Variants in C3orf52 observed in about 807,000 individuals in gnomAD.
The protein encoded by C3orf52 is chromosome 3 open reading frame 52, also known as TPA-induced transmembrane protein.
In C3orf52, 22 loss-of-function variants were observed where a neutral mutation model predicts 24.8. That is an observed-to-expected ratio of 0.89 (90% CI 0.63 to 1.27). C3orf52 has a LOEUF of 1.27. Among genes scored for constraint, C3orf52 ranks in the 50% most tolerant of loss-of-function variants. The pLI, the probability that C3orf52 is intolerant of heterozygous loss-of-function variation, is 0.00. For synonymous variants in C3orf52, 93 were observed against 100.2 expected, an observed-to-expected ratio of 0.93 and a Z score of 0.43; for missense variants, 265 against 260.7, an observed-to-expected ratio of 1.02 and a Z score of -0.11.
intron 2 of C3orf52, among the ~76,000 whole-genome samples, chr3:112,101,683 A>C (rs1237660011): frequency 6.6e-6 from 1 of 152,196 alleles, no homozygotes; most frequent in African/African-American, 2.4e-5. Flanking sequence ...ATGTCATCAC[A>C]GAATAAGTAA....
intron 2 of C3orf52, among the ~76,000 whole-genome samples, chr3:112,094,790 T>G (rs2073911477): frequency 1.3e-5 from 2 of 152,146 alleles, no homozygotes; most frequent in African/African-American, 4.8e-5. Context: ...GAAAATTGTT[T>G]TTATTTATAT....
chr3:112,119,542 T>A (rs777310694), downstream of C3orf52: 1 of 702,834 alleles, frequency 1.4e-6, no homozygotes, highest in Non-Finnish European at 2.6e-6. Context: ...TTTACACATG[T>A]TCGTGTCTTC....
Position 112,127,697 on chromosome 3 carries a change from A to G in C3orf52, c.*47-536A>G, listed in dbSNP as rs1007988755. 3.3e-5 allele frequency among the ~76,000 whole-genome samples: 5 copies of G among 152,350 alleles called. No homozygotes were observed. The South Asian group carries it at 1.0e-3, about 32-fold the overall frequency. The stretch of plus-strand genomic sequence containing the variant: ...CACCCCGACTATAAGTTCTATGTGC[A>G]AGGGATAGAAATGTGTGCTTCGGAA... On this transcript the variant is annotated intron_variant, in intron 4 of 4. Transcript: ENST00000480282.
At chr3:112,088,466 T>C (rs1455557720) in intron 1 of C3orf52, among the ~76,000 whole-genome samples, 1 of 152,234 alleles carries the variant, frequency 6.6e-6, no homozygotes, top group African/African-American at 2.4e-5. Context: ...TTTTGATGCA[T>C]AAATGCATTT....
In C3orf52 at chr3:112,093,349, T is replaced by C. The variant is rs1164187500; in HGVS notation, c.139-11T>C. On this transcript the variant is annotated splice_polypyrimidine_tract_variant and intron_variant, in intron 1 of 5. Coordinates refer to ENST00000264848, the MANE Select transcript of C3orf52 (RefSeq NM_024616.3). ...CAATGACTGCCTCACAATCTCCCTC[T>C]GCCTTTCTAGGCTAACAAGGAAAGC... 1.2e-6 allele frequency: 2 copies of C among 1,613,584 alleles called. No homozygotes were observed. Among genetic ancestry groups the C allele is most frequent in the Admixed American group, 3.3e-5 (2 of 59,984 alleles).
intron 1 of C3orf52, among the ~76,000 whole-genome samples, chr3:112,092,644 G>T (rs551713234): frequency 6.6e-6 from 1 of 152,128 alleles, no homozygotes; most frequent in East Asian, 1.9e-4. Context: ...GTGAAATGAC[G>T]CTGGTGCTCA....
chr3:112,114,560 C>T (rs779968911), intron 5 of C3orf52, among the ~76,000 whole-genome samples: 134 of 152,018 alleles, frequency 8.8e-4, no homozygotes, highest in Non-Finnish European at 1.8e-3. Context: ...AAAAATTAGC[C>T]GGGCATGGTG....
chr3:112,124,463 G>A (rs1234057526), intron 4 of C3orf52, among the ~76,000 whole-genome samples: 1 of 152,028 alleles, frequency 6.6e-6, no homozygotes, highest in Admixed American at 6.6e-5. Flanking sequence ...ACAAAAATTA[G>A]CCAGGTGTGA....
At chr3:112,102,156 G>T (rs889141072) in intron 2 of C3orf52, among the ~76,000 whole-genome samples, 4 of 152,104 alleles carry the variant, frequency 2.6e-5, no homozygotes, top group Non-Finnish European at 4.4e-5. Flanking sequence ...TTCCTGGGGA[G>T]ACTTCAAGAC....
intron 4 of C3orf52, chr3:112,123,499 G>C: frequency 1.2e-6 from 2 of 1,614,170 alleles, no homozygotes; most frequent in Non-Finnish European, 1.7e-6. Context: ...ATAAGTGGAC[G>C]TGGCTGTTGC....
At chr3:112,119,289 C>T (rs565059861), downstream of C3orf52, among the ~76,000 whole-genome samples, 1 of 152,228 alleles carries the variant, frequency 6.6e-6, no homozygotes, top group African/African-American at 2.4e-5. Flanking sequence ...GCAAGAGAAT[C>T]GCTTGAACCT....
intron 4 of C3orf52, among the ~76,000 whole-genome samples, chr3:112,124,351 G>T (rs1390541154): frequency 6.6e-6 from 1 of 152,186 alleles, no homozygotes; most frequent in Non-Finnish European, 1.5e-5. Context: ...GCTCACACTT[G>T]TAATCCCAGC....
chr3:112,102,549 A>C (rs2073982771), intron 2 of C3orf52, among the ~76,000 whole-genome samples: 1 of 152,100 alleles, frequency 6.6e-6, no homozygotes, highest in Non-Finnish European at 1.5e-5. Context: ...AAGGAAGTTC[A>C]TATTCTTCCT....
At chr3:112,101,655 A>G (rs2073972700) in intron 2 of C3orf52, among the ~76,000 whole-genome samples, 1 of 152,206 alleles carries the variant, frequency 6.6e-6, no homozygotes, top group Non-Finnish European at 1.5e-5. Context: ...CCTTGCTCGT[A>G]ATGCCTCGTA....
rs2074141682 is a variant in C3orf52, at chr3:112,117,084, A to G, written c.*438A>G. On this transcript the variant is annotated 3_prime_UTR_variant, in exon 6 of 6. Transcript: ENST00000264848. ...TACTTTTTCTTTAGTGCAGAGGTGC[A>G]CTGTCTTCTTTTAGGTGGGATCGCG... The G allele has an allele frequency of 4.6e-6, 3 of 659,224 alleles. No homozygotes were observed. Among genetic ancestry groups the G allele is most frequent in the South Asian group, 2.0e-5 (1 of 49,566 alleles). 40.8% of individuals were successfully genotyped at this position (659,224 alleles called of 1,614,324 possible). A position where few individuals can be genotyped will look rare whatever the true frequency, so the allele number is the denominator to read the frequency against.
chr3:112,127,620 G>A (rs190192069), intron 4 of C3orf52, among the ~76,000 whole-genome samples: 2 of 152,280 alleles, frequency 1.3e-5, no homozygotes, highest in East Asian at 3.9e-4. Context: ...ACTATTTTTA[G>A]CATCCCTTTC....
At chr3:112,104,569 G>A (rs895833073) in intron 3 of C3orf52, among the ~76,000 whole-genome samples, 3 of 151,662 alleles carry the variant, frequency 2.0e-5, no homozygotes, top group African/African-American at 7.3e-5. Flanking sequence ...GATTACTCCA[G>A]ATTTCTCTTT....
chr3:112,123,539 G>C (rs1466364908), intron 4 of C3orf52: 1 of 1,614,210 alleles, frequency 6.2e-7, no homozygotes. Flanking sequence ...TGTGAGGCAT[G>C]AGAAGTTCAT....
chr3:112,095,176 A>C (rs1293708796), intron 2 of C3orf52, among the ~76,000 whole-genome samples: 1 of 152,192 alleles, frequency 6.6e-6, no homozygotes, highest in African/African-American at 2.4e-5. Flanking sequence ...CTGTTTGAGG[A>C]TATAAGCTGG....
Sources: gnomAD v4.1 joint callset for allele counts (sites outside exome capture counted in the v4.1 genomes callset) on GRCh38, gnomAD v4.1.1 for gene constraint, MANE v1.5 for transcripts, NCBI Gene and HGNC (gene_info 2026-07-23, HGNC 2026-07-21) for gene names.